Variants in MBD5 observed in about 807,000 individuals in gnomAD.
MBD5 encodes the protein methyl-CpG-binding domain protein 5.
MBD5 carries 13 observed loss-of-function variants against 117.3 expected under a neutral mutation model. The observed-to-expected ratio is 0.11, with a 90% CI of 0.07 to 0.18. The LOEUF (loss-of-function observed/expected upper bound fraction) is 0.18, where lower values mean the gene tolerates loss of function less well. MBD5 is among the 10% of genes least tolerant of loss of function. The pLI, the probability that MBD5 is intolerant of heterozygous loss-of-function variation, is 1.00. For missense variants in MBD5, 1,879 were observed against 2,093.8 expected (o/e 0.90, Z 2.00); for synonymous variants, 727 against 766.4 (o/e 0.95, Z 0.85).
intron 3 of MBD5, among the ~76,000 whole-genome samples, chr2:148,305,035 A>C (rs1287346049): frequency 2.6e-5 from 4 of 151,526 alleles, no homozygotes; most frequent in Non-Finnish European, 5.9e-5. Context: ...ACTGCACTCC[A>C]GCCTGGGCGA....
chr2:148,444,273 G>T (rs900024988), intron 4 of MBD5, among the ~76,000 whole-genome samples: 1 of 150,540 alleles, frequency 6.6e-6, no homozygotes, highest in African/African-American at 2.5e-5. Flanking sequence ...TCGCCCGTGT[G>T]TTGCTCCTTT....
chr2:148,417,288 C>CTTTTTTT (rs745409695), intron 4 of MBD5, among the ~76,000 whole-genome samples: 93 of 91,786 alleles, frequency 1.0e-3, no homozygotes, highest in Non-Finnish European at 1.4e-3. Context: ...ATGCACAGCT[C>CTTTTTTT]TTTTTTTTTT....
intron 11 of MBD5, among the ~76,000 whole-genome samples, chr2:148,499,919 T>C (rs76699836): frequency 6.6e-6 from 1 of 152,218 alleles, no homozygotes; most frequent in Non-Finnish European, 1.5e-5. Context: ...GCTAAAATCC[T>C]GAAACAAACT....
chr2:148,146,437 G>A (rs1697467568), intron 1 of MBD5, among the ~76,000 whole-genome samples: 2 of 151,860 alleles, frequency 1.3e-5, no homozygotes, highest in African/African-American at 2.4e-5. Flanking sequence ...ATATCTCCCT[G>A]TGTTGTCCAA....
At chr2:148,145,568 C>T (rs142908890) in intron 1 of MBD5, among the ~76,000 whole-genome samples, 3,900 of 151,400 alleles carry the variant, frequency 0.026, 42 homozygotes, top group African/African-American at 0.066. Flanking sequence ...CCATTCAGTA[C>T]GATATTGGCT....
At chr2:148,223,995 AG>A (rs1699754903) in intron 2 of MBD5, among the ~76,000 whole-genome samples, 1 of 152,140 alleles carries the variant, frequency 6.6e-6, no homozygotes, top group Admixed American at 6.6e-5. Flanking sequence ...GTCATTCAGG[AG>A]CATATTGTTT....
Position 148,510,140 on chromosome 2 carries a change from GTTAAT to G in MBD5, c.5112+9_5112+13del, listed in dbSNP as rs1682174097. 1 of 1,598,176 alleles carries G rather than the reference GTTAAT, an allele frequency of 6.3e-7. No homozygotes were observed. Among genetic ancestry groups the G allele is most frequent in the South Asian group, 1.1e-5 (1 of 90,720 alleles). On this transcript the variant is annotated splice_donor_region_variant and intron_variant, in intron 13 of 13. Transcript: ENST00000642680. ...CTGGACAAAATGTCTGGGACTGTAA[GTTAAT>G]TTATTTTTCCATTATACTACGTTTC...
At chr2:148,329,096 A>C (rs2105026766) in intron 3 of MBD5, among the ~76,000 whole-genome samples, 1 of 152,350 alleles carries the variant, frequency 6.6e-6, no homozygotes, top group East Asian at 1.9e-4. Context: ...GACAAAAATC[A>C]GCCTCATTAG....
At chr2:148,072,022 C>A (rs995700674) in intron 1 of MBD5, 1 of 152,138 alleles carries the variant, frequency 6.6e-6, no homozygotes, top group Non-Finnish European at 1.5e-5. Context: ...CATTTTCATC[C>A]TCTAGAGGAA....
chr2:148,447,594 G>A (rs941486839), intron 4 of MBD5: 5 of 152,066 alleles, frequency 3.3e-5, no homozygotes, highest in Non-Finnish European at 5.9e-5. Context: ...GCCTATAGAG[G>A]CCAGGCTGAT....
At chr2:148,308,876 A>G (rs915643912) in intron 3 of MBD5, among the ~76,000 whole-genome samples, 3 of 152,150 alleles carry the variant, frequency 2.0e-5, no homozygotes, top group Non-Finnish European at 4.4e-5. Flanking sequence ...GCAAATGGCT[A>G]GCCAGTTTTC....
At chr2:148,453,173 G>A (rs139633873) in intron 4 of MBD5, among the ~76,000 whole-genome samples, 2,031 of 36,466 alleles carry the variant, frequency 0.056, 22 homozygotes, top group South Asian at 0.12. Context: ...GATAATGAAA[G>A]TATCAGTGAA....
At chr2:148,121,475 A>G (rs1213410561) in intron 1 of MBD5, among the ~76,000 whole-genome samples, 1 of 152,020 alleles carries the variant, frequency 6.6e-6, no homozygotes, top group Middle Eastern at 3.4e-3. Flanking sequence ...AAACTTCTCT[A>G]TGGCTATATA....
intron 3 of MBD5, among the ~76,000 whole-genome samples, chr2:148,340,039 C>T (rs921893938): frequency 6.6e-6 from 1 of 152,084 alleles, no homozygotes; most frequent in Non-Finnish European, 1.5e-5. Flanking sequence ...GTCCCTCTCT[C>T]CCTTCAGAAT....
At chr2:148,060,761 CCTTA>C (rs889607171) in intron 1 of MBD5, among the ~76,000 whole-genome samples, 17 of 152,154 alleles carry the variant, frequency 1.1e-4, no homozygotes, top group Admixed American at 1.0e-3. Flanking sequence ...TCCCTAAATG[CCTTA>C]CTTTAGTCAA....
At chr2:148,150,294 A>G (rs1697613662) in intron 1 of MBD5, among the ~76,000 whole-genome samples, 1 of 148,614 alleles carries the variant, frequency 6.7e-6, no homozygotes, top group Non-Finnish European at 1.5e-5. Flanking sequence ...TGTTCCATTG[A>G]TCTATATCTC....
At chr2:148,068,207 G>GT (rs1553469047) in intron 1 of MBD5, among the ~76,000 whole-genome samples, 1 of 151,896 alleles carries the variant, frequency 6.6e-6, no homozygotes, top group Non-Finnish European at 1.5e-5. Flanking sequence ...AAGAGGCCAG[G>GT]AAAAAAAAGC....
chr2:148,060,788 A>G (rs1413170375), intron 1 of MBD5, among the ~76,000 whole-genome samples: 5 of 152,112 alleles, frequency 3.3e-5, no homozygotes, highest in Admixed American at 3.3e-4. Context: ...CATATCTATG[A>G]TTTTTACCAT....
intron 3 of MBD5, among the ~76,000 whole-genome samples, chr2:148,261,024 A>G (rs1272566538): frequency 6.6e-6 from 1 of 152,184 alleles, no homozygotes; most frequent in Non-Finnish European, 1.5e-5. Context: ...TCTGAGCAGT[A>G]GGTCTCTCAA....
Sources: allele counts gnomAD v4.1 joint callset (sites outside exome capture counted in the v4.1 genomes callset), GRCh38; gene constraint gnomAD v4.1.1; transcripts MANE v1.5; gene names NCBI Gene and HGNC (gene_info 2026-07-23, HGNC 2026-07-21).